Variants in PCDH15 observed in about 807,000 individuals in gnomAD.
PCDH15 encodes the protein protocadherin-15.
PCDH15 carries 129 observed loss-of-function variants against 178.5 expected under a neutral mutation model. That is an observed-to-expected ratio of 0.72 (90% confidence interval 0.63 to 0.84). The LOEUF is 0.84. Among genes scored for constraint, PCDH15 ranks in the 40% least tolerant of loss-of-function variants. The pLI is 0.00. For synonymous variants in PCDH15, 800 were observed against 732.0 expected (o/e 1.09, Z -1.50); for missense variants, 2,230 against 2,099.9 (o/e 1.06, Z -1.21).
chr10:55,214,838 C>A (rs1302346878), intron 1 of PCDH15, among the ~76,000 whole-genome samples: 1 of 151,932 alleles, frequency 6.6e-6, no homozygotes, highest in Non-Finnish European at 1.5e-5. Context: ...ATTGTTTGCA[C>A]ATTTCAATAG....
intron 8 of PCDH15, among the ~76,000 whole-genome samples, chr10:54,305,282 A>C (rs1384278477): frequency 1.3e-5 from 2 of 152,048 alleles, no homozygotes; most frequent in Middle Eastern, 3.2e-3. Flanking sequence ...TAACGAATAC[A>C]TCAGAGAGAA....
intron 3 of PCDH15, among the ~76,000 whole-genome samples, chr10:54,450,388 T>C (rs939924584): frequency 6.6e-6 from 1 of 151,504 alleles, no homozygotes; most frequent in African/African-American, 2.4e-5. Flanking sequence ...GAGTGTTTTT[T>C]TGTAATTATT....
chr10:54,488,946 CA>C (rs2079338869), intron 3 of PCDH15, among the ~76,000 whole-genome samples: 1 of 151,904 alleles, frequency 6.6e-6, no homozygotes, highest in Non-Finnish European at 1.5e-5. Flanking sequence ...CAAATATTAA[CA>C]GCGCAAAATT....
chr10:55,101,568 G>A (rs1842578189), intron 2 of PCDH15, among the ~76,000 whole-genome samples: 1 of 151,700 alleles, frequency 6.6e-6, no homozygotes, highest in Non-Finnish European at 1.5e-5. Context: ...TAAATTTGTT[G>A]TAGTAGGAAA....
intron 3 of PCDH15, among the ~76,000 whole-genome samples, chr10:54,513,330 G>A (rs1190699432): frequency 2.7e-5 from 4 of 150,312 alleles, no homozygotes; most frequent in East Asian, 2.0e-4. Flanking sequence ...GTGCAATCTC[G>A]GCTCACTGCA....
chr10:55,262,467 G>C (rs1842170678), intron 1 of PCDH15, among the ~76,000 whole-genome samples: 1 of 152,198 alleles, frequency 6.6e-6, no homozygotes, highest in South Asian at 2.1e-4. Context: ...CACACAGGCG[G>C]CTGGATGCTG....
chr10:53,815,012 C>T (rs962903568), intron 35 of PCDH15, among the ~76,000 whole-genome samples: 2 of 151,002 alleles, frequency 1.3e-5, no homozygotes, highest in Admixed American at 6.6e-5. Context: ...CAGTCAGATC[C>T]ATGAGTCAAC....
rs557595923 is a variant in PCDH15, at chr10:54,761,617, A to G, written c.-29+39308T>C. On this transcript the variant is annotated intron_variant, in intron 1 of 37. Transcript: ENST00000644397. Reference sequence around the variant, plus strand: ...AAAATCGCTTGAACCTGGGAGGTGGAGGTTGCAGTGAGCCGAGATCATGCC... The same window carrying G: ...AAAATCGCTTGAACCTGGGAGGTGGGGGTTGCAGTGAGCCGAGATCATGCC... Among the ~76,000 whole-genome samples the G allele has an allele frequency of 1.7e-3, 265 of 152,232 alleles. 2 individuals are homozygous for G. The highest frequency in any genetic ancestry group is 6.3e-3 in the African/African-American group (260 of 41,510).
At chr10:54,548,413 C>A (rs1465591987) in intron 2 of PCDH15, among the ~76,000 whole-genome samples, 1 of 147,970 alleles carries the variant, frequency 6.8e-6, no homozygotes, top group Non-Finnish European at 1.5e-5. Flanking sequence ...TAATTTTCCA[C>A]ATGAGAAATA....
chr10:54,764,655 G>C (rs1948291380), intron 1 of PCDH15, among the ~76,000 whole-genome samples: 1 of 152,050 alleles, frequency 6.6e-6, no homozygotes, highest in Admixed American at 6.6e-5. Context: ...AACATGTGTT[G>C]ATACGATAGA....
chr10:53,925,088 G>C (rs2084385336), intron 25 of PCDH15, among the ~76,000 whole-genome samples: 2 of 152,152 alleles, frequency 1.3e-5, no homozygotes, highest in Non-Finnish European at 1.5e-5. Flanking sequence ...GACTGCCCCA[G>C]CTAGCTGTGG....
chr10:55,129,904 C>T (rs924437393), intron 2 of PCDH15, among the ~76,000 whole-genome samples: 7 of 151,946 alleles, frequency 4.6e-5, no homozygotes, highest in African/African-American at 1.7e-4. Flanking sequence ...ATATAATATA[C>T]AATAAATGTG....
At chr10:54,954,625 G>T (rs990342386) in intron 2 of PCDH15, among the ~76,000 whole-genome samples, 5 of 151,124 alleles carry the variant, frequency 3.3e-5, no homozygotes, top group African/African-American at 7.3e-5. Flanking sequence ...TCAATGTTTT[G>T]CCCTGAAATC....
chr10:55,240,082 A>G (rs1841499982), intron 1 of PCDH15, among the ~76,000 whole-genome samples: 1 of 152,188 alleles, frequency 6.6e-6, no homozygotes, highest in Non-Finnish European at 1.5e-5. Context: ...GTTGATGGAA[A>G]TGCAAATTAG....
intron 20 of PCDH15, among the ~76,000 whole-genome samples, chr10:54,008,354 A>G (rs1384689140): frequency 1.3e-5 from 2 of 152,202 alleles, no homozygotes; most frequent in Non-Finnish European, 2.9e-5. Flanking sequence ...GGAATAAATT[A>G]TCTTCCAGCT....
At chr10:54,102,624 T>C (rs2094833223) in intron 15 of PCDH15, among the ~76,000 whole-genome samples, 1 of 152,154 alleles carries the variant, frequency 6.6e-6, no homozygotes, top group Admixed American at 6.5e-5. Context: ...TGTGATACTG[T>C]TTTTGATTTA....
intron 3 of PCDH15, among the ~76,000 whole-genome samples, chr10:54,869,659 A>G (rs527494808): frequency 6.6e-6 from 1 of 152,350 alleles, no homozygotes; most frequent in Non-Finnish European, 1.5e-5. Flanking sequence ...GATTTTAGCA[A>G]GAAGAAATAA....
Position 54,987,880 on chromosome 10 carries a change from G to A in PCDH15, c.-79-90380C>T, listed in dbSNP as rs200500921. 3.3e-5 allele frequency among the ~76,000 whole-genome samples: 5 copies of A among 151,870 alleles called. No individual in the cohort carries two copies. The East Asian group carries it at 9.6e-4, about 29-fold the overall frequency. ...TCTTTAGTTTAATTAGATCTCATTTGTCAATTTTGCCTTTTGTTGCAATTG... is the reference window on the plus strand; with the variant it reads ...TCTTTAGTTTAATTAGATCTCATTTATCAATTTTGCCTTTTGTTGCAATTG... On this transcript the variant is annotated intron_variant, in intron 2 of 5. Transcript: ENST00000458638.
chr10:55,039,000 G>A (rs1014384351), intron 2 of PCDH15, among the ~76,000 whole-genome samples: 1 of 151,934 alleles, frequency 6.6e-6, no homozygotes, highest in African/African-American at 2.4e-5. Flanking sequence ...TTTCTTACAG[G>A]TGCGGTTCTA....
Sources: allele counts gnomAD v4.1 joint callset (sites outside exome capture counted in the v4.1 genomes callset), GRCh38; gene constraint gnomAD v4.1.1; transcripts MANE v1.5; gene names NCBI Gene and HGNC (gene_info 2026-07-23, HGNC 2026-07-21).